Variants in TBL3 observed in about 807,000 individuals in gnomAD.
The protein encoded by TBL3 is transducin beta like 3.
TBL3 carries 71 observed loss-of-function variants against 102.7 expected under a neutral mutation model. The ratio of observed to expected loss-of-function variants is 0.69; its 90% CI spans 0.57 to 0.84. The LOEUF (loss-of-function observed/expected upper bound fraction) is 0.84. Ranked by LOEUF, TBL3 falls within the 40% of genes least tolerant of loss-of-function variation. The pLI is 0.00. For synonymous variants in TBL3, 578 were observed against 477.7 expected, an observed-to-expected ratio of 1.21 and a Z score of -2.74; for missense variants, 1,188 against 1,098.5, an observed-to-expected ratio of 1.08 and a Z score of -1.15.
At chr16:1,977,464 G>A (rs768139201) in intron 16 of TBL3, 38 bp downstream of exon 16, 11 of 1,608,680 alleles carry the variant, frequency 6.8e-6, no homozygotes, top group African/African-American at 1.3e-5. Flanking sequence ...GGAGTGGGGG[G>A]TGGCGGGGGG....
rs745340324 is a variant in TBL3, at chr16:1,975,906, T to G, written c.1086T>G (p.Phe362Leu). 2.7e-5 allele frequency: 44 copies of G among 1,614,026 alleles called. No individual in the cohort carries two copies. In the African/African-American group the frequency reaches 4.0e-4, roughly 15 times the overall value. ...CCAATAGCCCCTGCCTAAAAGTGTT[T>G]GAGCTGCAGACGTCAGCCTGCCAGA... ...VASNSPCLKV[F>L]ELQTSACQIL... is the part of the protein sequence containing the mutation. The change falls in exon 11 of 22, where the codon TTT becomes TTG. Residue 362 changes from phenylalanine to leucine, a missense_variant. Physicochemically the swap from Phe to Leu is conservative, Grantham distance 22 (BLOSUM62 0). Transcript: ENST00000568546.
chr16:1,979,060 C>G lies in TBL3; in HGVS notation c.*375C>G, dbSNP rs1283667042. On this transcript the variant is annotated 3_prime_UTR_variant, in exon 22 of 22. Coordinates refer to ENST00000568546, the MANE Select transcript of TBL3 (RefSeq NM_006453.3). ...CATCGGGATCCTCGCGCTCACTGCT[C>G]CGTCGTGGGGTGCGGCACAGAGTCC... 1.3e-6 allele frequency: 2 copies of G among 1,546,230 alleles called. No homozygotes were observed. The highest frequency in any genetic ancestry group is 2.4e-5 in the East Asian group (1 of 41,474).
In TBL3 at chr16:1,976,869, C is replaced by A; in HGVS notation, c.1348C>A (p.Pro450Thr). The A allele has an allele frequency of 1.2e-6, 2 of 1,613,944 alleles. No individual in the cohort carries two copies. Among genetic ancestry groups the A allele is most frequent in the Non-Finnish European group, 1.7e-6 (2 of 1,179,996 alleles). The change falls in exon 14 of 22, where the codon CCT becomes ACT. Residue 450 changes from proline to threonine, a missense_variant. Transcript: ENST00000568546. ...GSQDCTVKLW[P>T]LPKALLSKNT... ...CCAGGACTGCACTGTGAAGCTGTGG[C>A]CTCTTCCCAAAGCCTTGCTGTCCAA... is the stretch of plus-strand genomic sequence containing the variant.
At position 1,977,431 on chromosome 16, in the gene TBL3, G is replaced by A. The variant is rs537005236; in HGVS notation, c.1742+5G>A. The A allele has an allele frequency of 9.9e-6, 16 of 1,612,502 alleles. No homozygotes were observed. In the African/African-American group the frequency reaches 2.0e-4, roughly 20 times the overall value. Reference sequence around the variant, plus strand: ...TGGCACGCAGCTGCTGTCCAGGTGAGTGGGCTGGGGTGGGGCAGCGATGGA... The same window carrying A: ...TGGCACGCAGCTGCTGTCCAGGTGAATGGGCTGGGGTGGGGCAGCGATGGA... On this transcript the variant is annotated splice_donor_5th_base_variant and intron_variant, in intron 16 of 21. Transcript: ENST00000568546.
chr16:1,972,456 G>A (rs2083367641), intron 1 of TBL3, among the ~76,000 whole-genome samples: 1 of 152,236 alleles, frequency 6.6e-6, no homozygotes, highest in South Asian at 2.1e-4. Context: ...GCCGGCTATG[G>A]GGTGGAGTGG....
In TBL3 at chr16:1,975,239, A is replaced by G. The variant is rs2083391396; in HGVS notation, c.688A>G (p.Thr230Ala). ...CTGGGACCTTCAGAGCTGCCAGGCCACGAGGACCGTGCCTGTGTTTGAGGT... is the reference window on the plus strand; with the variant it reads ...CTGGGACCTTCAGAGCTGCCAGGCCGCGAGGACCGTGCCTGTGTTTGAGGT... ...IIWDLQSCQA[T>A]RTVPVFESVE... The change falls in exon 8 of 22, where the codon ACG becomes GCG. Residue 230 changes from threonine (T) to alanine (A), a missense_variant. By Grantham distance (58) the Thr-to-Ala change is moderately conservative (BLOSUM62 0). Coordinates refer to ENST00000568546, the MANE Select transcript of TBL3 (RefSeq NM_006453.3). 1 of 1,613,906 alleles carries G rather than the reference A, an allele frequency of 6.2e-7. No homozygotes were observed. Among genetic ancestry groups the G allele is most frequent in the Non-Finnish European group, 8.5e-7 (1 of 1,180,016 alleles).
In TBL3 at chr16:1,978,827, G is replaced by C. The variant is rs1481666802; in HGVS notation, c.*142G>C. 1 of 1,250,184 alleles carries C rather than the reference G, an allele frequency of 8.0e-7. No individual in the cohort carries two copies. Among genetic ancestry groups the C allele is most frequent in the African/African-American group, 1.5e-5 (1 of 66,698 alleles). 77.4% of individuals were successfully genotyped at this position (1,250,184 alleles called of 1,614,324 possible). ...TACCTAGCCAGCCAGAAGGGCACTG[G>C]AGCTGATGGTCTCGGCCCTGCCACG... On this transcript the variant is annotated 3_prime_UTR_variant, in exon 22 of 22. Coordinates refer to ENST00000568546, the MANE Select transcript of TBL3 (RefSeq NM_006453.3).
chr16:1,980,444 G>A lies in TBL3; in HGVS notation c.*1759G>A, dbSNP rs749927018. The A allele has an allele frequency of 1.8e-5, 29 of 1,601,986 alleles. No homozygotes were observed. In the South Asian group the frequency reaches 2.9e-4, roughly 16 times the overall value. ...CAGTGATCGTCGGGCTCCGTGCCAC[G>A]CGCTCTGCAGTCGCCAGCAGCCTCC... On this transcript the variant is annotated 3_prime_UTR_variant, in exon 22 of 22. Coordinates refer to ENST00000568546, the MANE Select transcript of TBL3 (RefSeq NM_006453.3).
At position 1,979,823 on chromosome 16, in the gene TBL3, C is replaced by T. The variant is rs1447972327; in HGVS notation, c.*1138C>T. On this transcript the variant is annotated 3_prime_UTR_variant, in exon 22 of 22. Coordinates refer to ENST00000568546, the MANE Select transcript of TBL3 (RefSeq NM_006453.3). ...CCTAGGGACGGGCCTCCCTCCCGGC[C>T]TTGGCCCGGGGCCGCCTCCTCCAGG... 1 of 1,568,564 alleles carries T rather than the reference C, an allele frequency of 6.4e-7. No homozygotes were observed. Among genetic ancestry groups the T allele is most frequent in the Non-Finnish European group, 8.6e-7 (1 of 1,158,448 alleles).
chr16:1,980,179 C>A lies in TBL3; in HGVS notation c.*1494C>A. The A allele has an allele frequency of 6.3e-7, 1 of 1,597,992 alleles. No individual in the cohort carries two copies. Among genetic ancestry groups the A allele is most frequent in the Middle Eastern group, 2.1e-4 (1 of 4,794 alleles). On this transcript the variant is annotated 3_prime_UTR_variant, in exon 22 of 22. Coordinates refer to ENST00000568546, the MANE Select transcript of TBL3 (RefSeq NM_006453.3). ...CTCCTCTGGGGTGGGCAGGATCACCCGGCTGGGAAGGGCAGCCCGTACGAG... is the reference window on the plus strand; with the variant it reads ...CTCCTCTGGGGTGGGCAGGATCACCAGGCTGGGAAGGGCAGCCCGTACGAG...
rs1298011323 is a variant in TBL3, at chr16:1,980,774, T to G, written c.*2089T>G. 1.3e-6 allele frequency: 2 copies of G among 1,554,216 alleles called. No homozygotes were observed. Among genetic ancestry groups the G allele is most frequent in the East Asian group, 4.7e-5 (2 of 42,690 alleles). ...GGCATTGGTCTTCCAGAGCCCACTG[T>G]GCACCCTTGAGAGGGCGGGGTCCCT... is the stretch of plus-strand genomic sequence containing the variant. On this transcript the variant is annotated 3_prime_UTR_variant, in exon 22 of 22. Coordinates refer to ENST00000568546, the MANE Select transcript of TBL3 (RefSeq NM_006453.3).
Position 1,979,170 on chromosome 16 carries a change from C to T in TBL3, c.*485C>T. ...GGTGCAGCAGCGGCTCTGGATGGCG[C>T]CCGGCGAAGGTCGGGTGGGCACGGT... On this transcript the variant is annotated 3_prime_UTR_variant, in exon 22 of 22. Transcript: ENST00000568546. 2.7e-6 allele frequency: 4 copies of T among 1,458,174 alleles called. No individual in the cohort carries two copies. Among genetic ancestry groups the T allele is most frequent in the Non-Finnish European group, 3.6e-6 (4 of 1,114,782 alleles). 90.3% of individuals were successfully genotyped at this position (1,458,174 alleles called of 1,614,324 possible).
rs1381080141 is a variant in TBL3 at position 1,980,176 on chromosome 16, A to T, written c.*1491A>T. 1 of 1,598,592 alleles carries T rather than the reference A, an allele frequency of 6.3e-7. No homozygotes were observed. Among genetic ancestry groups the T allele is most frequent in the Non-Finnish European group, 8.5e-7 (1 of 1,175,628 alleles). On this transcript the variant is annotated 3_prime_UTR_variant, in exon 22 of 22. Coordinates refer to ENST00000568546, the MANE Select transcript of TBL3 (RefSeq NM_006453.3). ...CTGCTCCTCTGGGGTGGGCAGGATC[A>T]CCCGGCTGGGAAGGGCAGCCCGTAC...
Position 1,981,204 on chromosome 16 carries a change from T to C in TBL3, c.*2519T>C. On this transcript the variant is annotated 3_prime_UTR_variant, in exon 22 of 22. Coordinates refer to ENST00000568546, the MANE Select transcript of TBL3 (RefSeq NM_006453.3). ...TGGCTGTGGCTTCCAGGCTGCAGAT[T>C]CCTGAAATGGGCGAGGACCCTTCTG... 1.2e-6 allele frequency: 2 copies of C among 1,613,314 alleles called. No homozygotes were observed. Among genetic ancestry groups the C allele is most frequent in the Non-Finnish European group, 1.7e-6 (2 of 1,179,974 alleles).
intron 1 of TBL3, 144 bp downstream of exon 1, chr16:1,972,349 C>A: frequency 1.1e-6 from 1 of 942,876 alleles, no homozygotes; most frequent in Non-Finnish European, 1.4e-6. Flanking sequence ...GCGGAGGCTG[C>A]GGTGATACTA....
In TBL3 at chr16:1,979,527, G is replaced by C; in HGVS notation, c.*842G>C. ...GCGGCTGCTCTCGTAGGCGCGGGAAGCACAGAACTGGGGACCTGGTGGGAG... is the reference window on the plus strand; with the variant it reads ...GCGGCTGCTCTCGTAGGCGCGGGAACCACAGAACTGGGGACCTGGTGGGAG... On this transcript the variant is annotated 3_prime_UTR_variant, in exon 22 of 22. Transcript: ENST00000568546. The C allele has an allele frequency of 6.2e-7, 1 of 1,610,860 alleles. No individual in the cohort carries two copies.
chr16:1,974,795 A>G lies in TBL3; in HGVS notation c.412A>G (p.Ile138Val), dbSNP rs764241975. 1.3e-5 allele frequency: 21 copies of G among 1,613,292 alleles called. No individual in the cohort carries two copies. The highest frequency in any genetic ancestry group is 1.6e-5 in the Non-Finnish European group (19 of 1,179,978). Residue 138 changes from isoleucine (I) to valine (V), a missense_variant, in exon 6 of 22, where the codon ATC (isoleucine) becomes GTC (valine). Ile to Val is a conservative substitution (Grantham distance 29). Transcript: ENST00000568546. ...TGATGGGGCCGTGCGCGTCTGGGAC[A>G]TCGTGCGGCACTACGGGACACACCA... is the stretch of plus-strand genomic sequence containing the variant. The part of the protein sequence containing the change: ...GCDGAVRVWD[I>V]VRHYGTHHFR...
chr16:1,974,277 G>C lies in TBL3; in HGVS notation c.174G>C (p.Leu58=). The C allele has an allele frequency of 6.3e-7, 1 of 1,597,180 alleles. No individual in the cohort carries two copies. ...TGGAAGTGGCCTCGGGGGCCGTGCT[G>C]CGGAGTCTGGAGCAGGTGAGGGCAG... ...NILEVASGAV[L]RSLEQEDQED... Residue 58 remains leucine, a synonymous_variant, in exon 3 of 22, where the codon CTG becomes CTC. Coordinates refer to ENST00000568546, the MANE Select transcript of TBL3 (RefSeq NM_006453.3).
At chr16:1,975,753 G>A (rs1161693527) in intron 10 of TBL3, 43 bp downstream of exon 10, 1 of 1,613,336 alleles carries the variant, frequency 6.2e-7, no homozygotes, top group South Asian at 1.1e-5. Flanking sequence ...GCGGGCACCA[G>A]CCCTCCTCTT....
Sources: gnomAD v4.1 joint callset for allele counts (sites outside exome capture counted in the v4.1 genomes callset) on GRCh38, gnomAD v4.1.1 for gene constraint, MANE v1.5 for transcripts, NCBI Gene and HGNC (gene_info 2026-07-23, HGNC 2026-07-21) for gene names.